The following NETO1 variants were observed in gnomAD, a reference collection of about 807,000 sequenced individuals.
NETO1 encodes the protein neuropilin and tolloid-like protein 1.
A neutral mutation model predicts 61.3 loss-of-function variants in NETO1; 26 were observed. The ratio of observed to expected loss-of-function variants is 0.42; its 90% CI spans 0.31 to 0.59. The LOEUF is 0.59. NETO1 is among the 20% of genes least tolerant of loss of function. The pLI, the probability that NETO1 is intolerant of heterozygous loss-of-function variation, is 0.12. For missense variants in NETO1, 531 were observed against 662.8 expected (o/e 0.80, Z 2.18); for synonymous variants, 225 against 225.8 (o/e 1.00, Z 0.03).
intron 4 of NETO1, among the ~76,000 whole-genome samples, chr18:72,845,330 C>A (rs917368280): frequency 1.3e-5 from 2 of 152,132 alleles, no homozygotes; most frequent in Non-Finnish European, 2.9e-5. Flanking sequence ...AAAGTCATAG[C>A]CAGAAAGTGG....
chr18:72,863,641 T>G lies in NETO1; in HGVS notation c.220+1167A>C, dbSNP rs577793780. Among the ~76,000 whole-genome samples the G allele has an allele frequency of 5.3e-5, 8 of 152,278 alleles. No individual in the cohort carries two copies. In the East Asian group the frequency reaches 1.5e-3, roughly 29 times the overall value. On this transcript the variant is annotated intron_variant, in intron 3 of 10. Coordinates refer to ENST00000327305, the MANE Select transcript of NETO1 (RefSeq NM_138966.5). ...AAGTAGTAAGGGTGGGGGAAGATCT[T>G]TGGCCCAATAATTACCAAAAAAAAA...
At chr18:72,842,602 A>C (rs2073969376) in intron 4 of NETO1, among the ~76,000 whole-genome samples, 1 of 152,160 alleles carries the variant, frequency 6.6e-6, no homozygotes, top group Admixed American at 6.5e-5. Context: ...GAACAACTGA[A>C]ATCATCCCAA....
rs376432343 is a variant in NETO1, at chr18:72,815,824, C to T, written c.470-21420G>A. Among the ~76,000 whole-genome samples, 16 of 152,172 alleles carry T rather than the reference C, an allele frequency of 1.1e-4. No homozygotes were observed. The East Asian group carries it at 2.9e-3, about 28-fold the overall frequency. On this transcript the variant is annotated intron_variant, in intron 4 of 10. Transcript: ENST00000327305. ...GGCTGGGAGAACAGGTAAGAAAATC[C>T]TACTGGATATAACACAGCTGTGTTA...
chr18:72,848,817 C>T (rs748016), intron 4 of NETO1, among the ~76,000 whole-genome samples: 45,826 of 151,994 alleles, frequency 0.3, 7,058 homozygotes, highest in East Asian at 0.45. Context: ...AAAGTTCTGA[C>T]GCCCTTTTTC....
At chr18:72,849,920 G>A (rs1942466) in intron 4 of NETO1, among the ~76,000 whole-genome samples, 1 of 152,334 alleles carries the variant, frequency 6.6e-6, no homozygotes, top group East Asian at 1.9e-4. Flanking sequence ...CAGCTGGAGT[G>A]TTTCTTACAT....
In NETO1 at chr18:72,834,635, A is replaced by T. The variant is rs187465903; in HGVS notation, c.469+24191T>A. ...CTACAGGAAATTTATGTTTATAATT[A>T]CTTAATTCATTTATGTATTTTTAGT... On this transcript the variant is annotated intron_variant, in intron 4 of 10. Coordinates refer to ENST00000327305, the MANE Select transcript of NETO1 (RefSeq NM_138966.5). 491 of 983,792 alleles carry T rather than the reference A, an allele frequency of 5.0e-4. 2 individuals are homozygous for T. In the African/African-American group the frequency reaches 8.1e-3, roughly 16 times the overall value. 60.9% of individuals were successfully genotyped at this position (983,792 alleles called of 1,614,324 possible).
At chr18:72,751,096 A>G (rs2089170794) in intron 8 of NETO1, among the ~76,000 whole-genome samples, 1 of 140,410 alleles carries the variant, frequency 7.1e-6, no homozygotes, top group South Asian at 2.2e-4. Context: ...ATAAAGTAAC[A>G]ACAATATTCT....
intron 7 of NETO1, among the ~76,000 whole-genome samples, chr18:72,764,833 C>A (rs1271638800): frequency 2.6e-5 from 4 of 152,154 alleles, no homozygotes; most frequent in Non-Finnish European, 5.9e-5. Flanking sequence ...GGTGTTCAGG[C>A]GAAAGGCTCA....
chr18:72,783,101 T>G (rs973544149), intron 7 of NETO1, among the ~76,000 whole-genome samples: 1 of 152,230 alleles, frequency 6.6e-6, no homozygotes, highest in Non-Finnish European at 1.5e-5. Flanking sequence ...GAATCATTAT[T>G]TATTAGAACA....
intron 4 of NETO1, among the ~76,000 whole-genome samples, chr18:72,822,217 C>T (rs2073221297): frequency 6.6e-6 from 1 of 152,178 alleles, no homozygotes; most frequent in African/African-American, 2.4e-5. Flanking sequence ...TATCTGAGAG[C>T]TTAACTAGGG....
chr18:72,750,872 T>TACACACACAC (rs142668353), intron 8 of NETO1, among the ~76,000 whole-genome samples: 2,025 of 118,714 alleles, frequency 0.017, 69 homozygotes, highest in Admixed American at 0.042. Context: ...CAGCTTAAAA[T>TACACACACAC]ACACACACAC....
intron 4 of NETO1, among the ~76,000 whole-genome samples, chr18:72,827,857 A>G (rs572240975): frequency 2.0e-5 from 3 of 152,212 alleles, no homozygotes; most frequent in Non-Finnish European, 4.4e-5. Flanking sequence ...CACTTTGGAA[A>G]AGAACTCCAA....
intron 1 of NETO1, 56 bp downstream of exon 1, chr18:72,867,208 A>C: frequency 7.3e-7 from 1 of 1,361,580 alleles, no homozygotes; most frequent in Non-Finnish European, 1.0e-6. Flanking sequence ...GGCCCCGGGA[A>C]AGGGGCGGGA....
intron 9 of NETO1, 58 bp from the exon 10 acceptor site, chr18:72,749,146 T>A: frequency 1.0e-6 from 1 of 969,388 alleles, no homozygotes; most frequent in Non-Finnish European, 1.7e-6. Flanking sequence ...AAAATATGTA[T>A]ACAAATATTT....
chr18:72,859,579 T>G (rs1182769281), intron 3 of NETO1, among the ~76,000 whole-genome samples: 3 of 152,206 alleles, frequency 2.0e-5, no homozygotes, highest in Non-Finnish European at 4.4e-5. Context: ...AACACAAACC[T>G]GATCACATCC....
At chr18:72,841,459 G>A (rs1444561580) in intron 4 of NETO1, among the ~76,000 whole-genome samples, 2 of 152,070 alleles carry the variant, frequency 1.3e-5, no homozygotes, top group African/African-American at 2.4e-5. Flanking sequence ...TTGGCCGGGT[G>A]CGGTGGCTCA....
intron 7 of NETO1, among the ~76,000 whole-genome samples, chr18:72,772,743 A>ATCTC (rs1491488125): frequency 9.1e-5 from 6 of 65,750 alleles, no homozygotes; most frequent in South Asian, 7.7e-4. Context: ...ACACACACAC[A>ATCTC]TCTCTCTATA....
At chr18:72,834,199 A>ATTAGTGTAC (rs2073669809) in intron 4 of NETO1, 1 of 597,536 alleles carries the variant, frequency 1.7e-6, no homozygotes, top group South Asian at 7.5e-5. Context: ...ATATATGCAT[A>ATTAGTGTAC]TTAGTGTACT....
intron 4 of NETO1, among the ~76,000 whole-genome samples, chr18:72,818,725 GA>G (rs575146247): frequency 1.5e-3 from 223 of 152,054 alleles, no homozygotes; most frequent in Non-Finnish European, 2.7e-3. Flanking sequence ...CTTTCTTGGG[GA>G]AAAATACATA....
Sources: allele counts gnomAD v4.1 joint callset (sites outside exome capture counted in the v4.1 genomes callset), GRCh38; gene constraint gnomAD v4.1.1; transcripts MANE v1.5; gene names NCBI Gene and HGNC (gene_info 2026-07-23, HGNC 2026-07-21).